The following SFI1 variants were observed in gnomAD, a reference collection of about 807,000 sequenced individuals.
SFI1 encodes SFI1 centrin binding protein.
A neutral mutation model predicts 207.5 loss-of-function variants in SFI1; 195 were observed. The observed-to-expected ratio is 0.94, with a 90% CI of 0.84 to 1.06. SFI1 has a LOEUF of 1.06. SFI1 is among the 50% of genes least tolerant of loss of function. The probability of loss-of-function intolerance (pLI) is 0.00; values close to 1 mark genes in which losing one functional copy is unlikely to be tolerated. For synonymous variants in SFI1, 630 were observed against 598.9 expected (o/e 1.05, Z -0.76); for missense variants, 1,634 against 1,588.0 (o/e 1.03, Z -0.49).
chr22:31,549,651 T>C (rs758597448), intron 5 of SFI1, among the ~76,000 whole-genome samples: 2 of 151,934 alleles, frequency 1.3e-5, no homozygotes, highest in African/African-American at 2.4e-5. Context: ...AGGCGTGAGC[T>C]ACTGTGCCTG....
intron 11 of SFI1, 138 bp from the exon 12 acceptor site, chr22:31,580,134 G>A: frequency 1.6e-6 from 1 of 628,578 alleles, no homozygotes. Context: ...AAACACTCAG[G>A]GAGATGGAAC....
Position 31,606,076 on chromosome 22 carries a change from T to C in SFI1, c.2055-252T>C, listed in dbSNP as rs2068918197. Reference sequence around the variant, plus strand: ...GCCTGGTTATGCCCTGTTATCCCCGTAGCACCTGGAGTTTGGTCTCCAGCA... The same window carrying C: ...GCCTGGTTATGCCCTGTTATCCCCGCAGCACCTGGAGTTTGGTCTCCAGCA... On this transcript the variant is annotated intron_variant, in intron 20 of 32. Transcript: ENST00000400288. 2.3e-5 allele frequency: 11 copies of C among 475,572 alleles called. No individual in the cohort carries two copies. In the South Asian group the frequency reaches 3.1e-4, roughly 13 times the overall value. The allele number at this position is 475,572 out of a possible 1,614,324, so 29.5% of individuals were successfully genotyped here. A position where few individuals can be genotyped will look rare whatever the true frequency, so the allele number is the denominator to read the frequency against.
chr22:31,571,171 C>T (rs2031645679), intron 8 of SFI1, among the ~76,000 whole-genome samples: 1 of 152,202 alleles, frequency 6.6e-6, no homozygotes, highest in South Asian at 2.1e-4. Flanking sequence ...TTAAGAATCA[C>T]TGGTTTATTC....
At chr22:31,616,954 C>A (rs1410487851) in intron 30 of SFI1, 46 bp from the exon 31 acceptor site, 4 of 1,613,404 alleles carry the variant, frequency 2.5e-6, no homozygotes. Context: ...TACCCTGGTC[C>A]CCGAGGGGAA....
chr22:31,535,238 G>C (rs1313931178), intron 4 of SFI1, among the ~76,000 whole-genome samples: 4 of 148,994 alleles, frequency 2.7e-5, no homozygotes, highest in Non-Finnish European at 5.9e-5. Context: ...TGCCCAGGCT[G>C]GAGTGCAATG....
chr22:31,618,391 C>CCAGGCCCTGCGG lies in SFI1; in HGVS notation c.3712_3723dup (p.Arg1238_Leu1241dup). The CCAGGCCCTGCGG allele has an allele frequency of 6.2e-7, 1 of 1,600,090 alleles. No homozygotes were observed. Among genetic ancestry groups the CCAGGCCCTGCGG allele is most frequent in the Non-Finnish European group, 8.5e-7 (1 of 1,171,568 alleles). ...CCATTGGCGCCTGCGTTGCCCGCAT[C>CCAGGCCCTGCGG]CAGGCCCTGCGGCAGGCCCTGTGCT... On this transcript the variant is annotated inframe_insertion, in exon 33 of 33. Transcript: ENST00000400288.
chr22:31,515,320 CGTGTGTGTGTGTGT>C (rs3068283), intron 2 of SFI1, among the ~76,000 whole-genome samples: 1 of 150,164 alleles, frequency 6.7e-6, no homozygotes, highest in Non-Finnish European at 1.5e-5. Context: ...TCTCATTGTT[CGTGTGTGTGTGTGT>C]GTGTGTGTTT....
Position 31,611,265 on chromosome 22 carries a change from C to G in SFI1, c.2377C>G (p.Arg793Gly). ...HRQLLLEGLARWKTHHLQCVR... is the reference protein window; with the variant it reads ...HRQLLLEGLAGWKTHHLQCVR... ...GCAGCTGCTGCTGGAGGGGCTGGCC[C>G]GGTGGAAGACGCACCATCTGCAGTG... The change falls in exon 23 of 33, where the codon CGG becomes GGG. Residue 793 changes from arginine (R) to glycine (G), a missense_variant. Physicochemically the swap from Arg to Gly is moderately radical, Grantham distance 125. Transcript: ENST00000400288. The G allele has an allele frequency of 6.2e-7, 1 of 1,611,662 alleles. No individual in the cohort carries two copies.
At chr22:31,510,844 C>T (rs1422141591) in intron 2 of SFI1, among the ~76,000 whole-genome samples, 1 of 152,112 alleles carries the variant, frequency 6.6e-6, no homozygotes, top group East Asian at 1.9e-4. Flanking sequence ...CCTTATAATA[C>T]TTTTAATTTA....
chr22:31,545,920 T>C (rs2060044123), intron 4 of SFI1, among the ~76,000 whole-genome samples: 1 of 141,306 alleles, frequency 7.1e-6, no homozygotes, highest in South Asian at 2.3e-4. Context: ...TGAGACAGGC[T>C]CTTACTCTTT....
intron 2 of SFI1, chr22:31,521,558 C>T (rs1168472988): frequency 6.6e-6 from 1 of 152,290 alleles, no homozygotes; most frequent in East Asian, 1.9e-4. Flanking sequence ...TTGTTCTGGC[C>T]TTTCCAGTGT....
intron 4 of SFI1, among the ~76,000 whole-genome samples, chr22:31,546,459 T>C (rs1486446029): frequency 3.3e-5 from 5 of 151,820 alleles, no homozygotes; most frequent in Non-Finnish European, 2.9e-5. Context: ...GCCTCCTGAG[T>C]AGCTGGGACT....
At chr22:31,597,531 G>T (rs531720297) in intron 15 of SFI1, among the ~76,000 whole-genome samples, 1 of 152,296 alleles carries the variant, frequency 6.6e-6, no homozygotes, top group South Asian at 2.1e-4. Context: ...GTCTCTCTGA[G>T]CCTCAGTCTC....
At chr22:31,606,183 A>G in intron 20 of SFI1, 145 bp from the exon 21 acceptor site, 1 of 704,472 alleles carries the variant, frequency 1.4e-6, no homozygotes. Flanking sequence ...ATGTGCAAGT[A>G]AACATAGGTG....
chr22:31,566,604 G>C (rs371519469), intron 8 of SFI1, among the ~76,000 whole-genome samples: 19 of 152,144 alleles, frequency 1.2e-4, no homozygotes, highest in East Asian at 9.6e-4. Flanking sequence ...TATTTCATCT[G>C]TTTGTACCTC....
intron 4 of SFI1, among the ~76,000 whole-genome samples, chr22:31,542,695 TATATC>T (rs2059672666): frequency 1.3e-5 from 2 of 151,876 alleles, no homozygotes; most frequent in Admixed American, 1.3e-4. Context: ...AGAGTCTCAC[TATATC>T]ATCCAGGCTG....
chr22:31,584,692 C>A (rs1049566293), intron 13 of SFI1, among the ~76,000 whole-genome samples: 2 of 152,242 alleles, frequency 1.3e-5, no homozygotes, highest in Middle Eastern at 3.4e-3. Context: ...GCATATTATT[C>A]CAAACCCTGG....
chr22:31,537,196 G>A (rs1209177775), intron 4 of SFI1, among the ~76,000 whole-genome samples: 1 of 152,124 alleles, frequency 6.6e-6, no homozygotes, highest in Non-Finnish European at 1.5e-5. Flanking sequence ...ACACTTCGTA[G>A]TTGCAAGATG....
At chr22:31,530,845 A>G in intron 3 of SFI1, 1 of 557,176 alleles carries the variant, frequency 1.8e-6, no homozygotes, top group Non-Finnish European at 3.2e-6. Context: ...TATGTTGAAA[A>G]TATTTTTTAA....
Sources: allele counts gnomAD v4.1 joint callset (sites outside exome capture counted in the v4.1 genomes callset), GRCh38; gene constraint gnomAD v4.1.1; transcripts MANE v1.5; gene names NCBI Gene and HGNC (gene_info 2026-07-23, HGNC 2026-07-21).